The following FNDC3A variants were observed in gnomAD, a reference collection of about 807,000 sequenced individuals.
FNDC3A encodes the protein fibronectin type III domain containing 3A.
In FNDC3A, 32 loss-of-function variants were observed where a neutral mutation model predicts 148.9. The ratio of observed to expected loss-of-function variants is 0.21; its 90% CI spans 0.16 to 0.29. The LOEUF (loss-of-function observed/expected upper bound fraction) is 0.29. Ranked by LOEUF, FNDC3A falls within the 10% of genes least tolerant of loss-of-function variation. The pLI, the probability that FNDC3A is intolerant of heterozygous loss-of-function variation, is 1.00. For missense variants in FNDC3A, 1,191 were observed against 1,452.8 expected, an observed-to-expected ratio of 0.82 and a Z score of 2.93; for synonymous variants, 472 against 473.6, an observed-to-expected ratio of 1.00 and a Z score of 0.04.
intron 8 of FNDC3A, among the ~76,000 whole-genome samples, chr13:49,164,658 G>T (rs191794346): frequency 2.0e-5 from 3 of 151,760 alleles, no homozygotes; most frequent in Admixed American, 6.6e-5. Context: ...GCCCAGGCTG[G>T]AGTGCTGTGG....
In FNDC3A at chr13:49,044,854, G is replaced by C. The variant is rs976352670; in HGVS notation, c.100-30435G>C. Reference sequence around the variant, plus strand: ...TTAGAAACTACTGGGGTTTGTGCAAGGTTCAAAAACTTGATTGTTCTTGGC... The same window carrying C: ...TTAGAAACTACTGGGGTTTGTGCAACGTTCAAAAACTTGATTGTTCTTGGC... On this transcript the variant is annotated intron_variant, in intron 2 of 25. Coordinates refer to ENST00000492622, the MANE Select transcript of FNDC3A (RefSeq NM_001079673.2). 11 of 350,314 alleles carry C rather than the reference G, an allele frequency of 3.1e-5. No homozygotes were observed. In the Admixed American group the frequency reaches 3.6e-4, roughly 11 times the overall value. 21.7% of individuals were successfully genotyped at this position (350,314 alleles called of 1,614,324 possible).
chr13:49,086,260 A>G (rs1162617925), intron 3 of FNDC3A, among the ~76,000 whole-genome samples: 2 of 151,998 alleles, frequency 1.3e-5, no homozygotes, highest in African/African-American at 4.8e-5. Flanking sequence ...AAGATGGTTT[A>G]TTTCTTTTGA....
rs149987810 is a variant in FNDC3A, at chr13:49,019,283, G to C, written c.99+12994G>C. Reference sequence around the variant, plus strand: ...CGTGGGCGTAGGACCCTCTGAGCTAGGTGCGGGATATAATCTTCTGGTGCG... The same window carrying C: ...CGTGGGCGTAGGACCCTCTGAGCTACGTGCGGGATATAATCTTCTGGTGCG... On this transcript the variant is annotated intron_variant, in intron 2 of 25. Coordinates refer to ENST00000492622, the MANE Select transcript of FNDC3A (RefSeq NM_001079673.2). 2.1e-3 allele frequency among the ~76,000 whole-genome samples: 322 copies of C among 152,372 alleles called. 2 individuals carry two copies. The highest frequency in any genetic ancestry group is 7.2e-3 in the African/African-American group (298 of 41,600).
intron 2 of FNDC3A, among the ~76,000 whole-genome samples, chr13:49,029,051 G>T (rs1211024256): frequency 6.6e-6 from 1 of 152,138 alleles, no homozygotes; most frequent in African/African-American, 2.4e-5. Flanking sequence ...ATGGCCCACT[G>T]CAGCCTTTGC....
intron 2 of FNDC3A, among the ~76,000 whole-genome samples, chr13:49,073,908 A>G (rs928121702): frequency 6.6e-6 from 1 of 150,582 alleles, no homozygotes; most frequent in East Asian, 1.9e-4. Context: ...CAAATTGGAA[A>G]CATTTTTGGT....
At chr13:49,005,710 T>G (rs1298160464) in intron 1 of FNDC3A, among the ~76,000 whole-genome samples, 4 of 151,724 alleles carry the variant, frequency 2.6e-5, no homozygotes. Context: ...ACAGATAGGG[T>G]GATGAGGGGG....
At chr13:49,050,176 G>A (rs912044909) in intron 2 of FNDC3A, among the ~76,000 whole-genome samples, 1 of 151,972 alleles carries the variant, frequency 6.6e-6, no homozygotes, top group African/African-American at 2.4e-5. Flanking sequence ...CTTTTCTTCT[G>A]AGTTTGGATC....
intron 2 of FNDC3A, among the ~76,000 whole-genome samples, chr13:49,019,465 G>A (rs1593479550): frequency 6.6e-6 from 1 of 152,254 alleles, no homozygotes; most frequent in Admixed American, 6.5e-5. Context: ...TTCGGCTCAC[G>A]CAGGGTGCGC....
chr13:49,193,368 C>G (rs939028438), intron 19 of FNDC3A, among the ~76,000 whole-genome samples: 5 of 152,142 alleles, frequency 3.3e-5, no homozygotes, highest in Non-Finnish European at 7.3e-5. Context: ...TTAAGCGATC[C>G]TCCTGCCTCA....
chr13:49,027,315 C>T (rs1474997618), intron 2 of FNDC3A, among the ~76,000 whole-genome samples: 1 of 152,172 alleles, frequency 6.6e-6, no homozygotes. Flanking sequence ...GAAATGGCAG[C>T]ACCAAACCGA....
intron 8 of FNDC3A, among the ~76,000 whole-genome samples, chr13:49,158,844 C>T (rs1883899456): frequency 6.6e-6 from 1 of 152,172 alleles, no homozygotes; most frequent in Non-Finnish European, 1.5e-5. Context: ...ATATGGCTAG[C>T]CAGTTTTCCC....
At chr13:49,058,529 A>C (rs527421162) in intron 2 of FNDC3A, among the ~76,000 whole-genome samples, 1 of 152,242 alleles carries the variant, frequency 6.6e-6, no homozygotes, top group African/African-American at 2.4e-5. Flanking sequence ...AAGAAGAGGA[A>C]ATTTGGACAC....
intron 3 of FNDC3A, among the ~76,000 whole-genome samples, chr13:49,109,372 G>A (rs1593600548): frequency 6.6e-6 from 1 of 152,266 alleles, no homozygotes; most frequent in Admixed American, 6.5e-5. Flanking sequence ...GCAGTAAATT[G>A]CCTTGCTAAT....
chr13:49,191,357 C>T lies in FNDC3A; in HGVS notation c.2199C>T (p.Phe733=). 1 of 1,606,392 alleles carries T rather than the reference C, an allele frequency of 6.2e-7. No homozygotes were observed. Among genetic ancestry groups the T allele is most frequent in the Non-Finnish European group, 8.5e-7 (1 of 1,177,774 alleles). The part of the protein sequence containing the change: ...SSLLPGKTYS[F]RLRAANKMGF... ...TTCTTCCTGGAAAGACATACAGCTTCAGACTACGTGCAGCTAACAAAATGG... is the reference window on the plus strand; with the variant it reads ...TTCTTCCTGGAAAGACATACAGCTTTAGACTACGTGCAGCTAACAAAATGG... Residue 733 remains phenylalanine (F), a synonymous_variant, in exon 19 of 26, where the codon TTC becomes TTT. Coordinates refer to ENST00000492622, the MANE Select transcript of FNDC3A (RefSeq NM_001079673.2).
At chr13:49,012,322 C>A (rs2137613746) in intron 2 of FNDC3A, among the ~76,000 whole-genome samples, 1 of 152,116 alleles carries the variant, frequency 6.6e-6, no homozygotes, top group Non-Finnish European at 1.5e-5. Flanking sequence ...ACTGTGTTAG[C>A]CAGGATGGTC....
At chr13:49,074,972 G>A (rs1877996334) in intron 2 of FNDC3A, among the ~76,000 whole-genome samples, 1 of 152,148 alleles carries the variant, frequency 6.6e-6, no homozygotes, top group Admixed American at 6.5e-5. Flanking sequence ...CTTAGCAACT[G>A]ATAAGCTCAC....
chr13:49,012,930 T>C (rs767271790), intron 2 of FNDC3A, among the ~76,000 whole-genome samples: 28 of 152,036 alleles, frequency 1.8e-4, no homozygotes, highest in Non-Finnish European at 3.7e-4. Context: ...CTTACTCATT[T>C]TGAGACTTGT....
At chr13:49,043,638 G>GT (rs996834405) in intron 2 of FNDC3A, among the ~76,000 whole-genome samples, 4 of 151,536 alleles carry the variant, frequency 2.6e-5, no homozygotes, top group Non-Finnish European at 5.9e-5. Flanking sequence ...TTGATTTTCT[G>GT]TTTTTTTAAG....
At chr13:49,100,139 C>T (rs1404889652) in intron 3 of FNDC3A, among the ~76,000 whole-genome samples, 2 of 152,080 alleles carry the variant, frequency 1.3e-5, no homozygotes, top group Non-Finnish European at 2.9e-5. Flanking sequence ...TTCAGATACT[C>T]AATATGAAGA....
Sources: gnomAD v4.1 joint callset for allele counts (sites outside exome capture counted in the v4.1 genomes callset) on GRCh38, gnomAD v4.1.1 for gene constraint, MANE v1.5 for transcripts, NCBI Gene and HGNC (gene_info 2026-07-23, HGNC 2026-07-21) for gene names.